Variants in MECOM observed in about 807,000 individuals in gnomAD.
The protein encoded by MECOM is histone-lysine N-methyltransferase MECOM.
Under a neutral mutation model 116.3 loss-of-function variants are expected in MECOM, and 13 were observed. That is an observed-to-expected ratio of 0.11 (90% CI 0.07 to 0.18). The LOEUF (loss-of-function observed/expected upper bound fraction) is 0.18. Among genes scored for constraint, MECOM ranks in the 10% least tolerant of loss-of-function variants. The pLI is 1.00. For missense variants in MECOM, 1,299 were observed against 1,509.0 expected (o/e 0.86, Z 2.31); for synonymous variants, 528 against 535.2 (o/e 0.99, Z 0.19).
chr3:169,555,166 T>C (rs1314768583), intron 1 of MECOM, among the ~76,000 whole-genome samples: 1 of 152,202 alleles, frequency 6.6e-6, no homozygotes, highest in Non-Finnish European at 1.5e-5. Flanking sequence ...AGTGATGAAA[T>C]ACAAGCAGCA....
At chr3:169,641,973 G>T (rs11720467) in intron 1 of MECOM, among the ~76,000 whole-genome samples, 54,896 of 152,060 alleles carry the variant, frequency 0.36, 10,251 homozygotes, top group East Asian at 0.45. Context: ...CTCTTTTAAT[G>T]ATACATTTAC....
intron 7 of MECOM, among the ~76,000 whole-genome samples, chr3:169,120,153 G>A (rs369523120): frequency 5.3e-5 from 8 of 152,242 alleles, no homozygotes; most frequent in African/African-American, 7.2e-5. Flanking sequence ...CAGTCTTGAC[G>A]TTTGTAGCAC....
intron 2 of MECOM, among the ~76,000 whole-genome samples, chr3:169,233,017 G>A (rs79758749): frequency 0.038 from 5,715 of 152,184 alleles, 133 homozygotes; most frequent in African/African-American, 0.054. Context: ...CGTAGACCGA[G>A]CTTGGAGTAA....
intron 2 of MECOM, among the ~76,000 whole-genome samples, chr3:169,234,185 C>G (rs2149529161): frequency 6.6e-6 from 1 of 151,532 alleles, no homozygotes; most frequent in African/African-American, 2.4e-5. Flanking sequence ...AGAAACAGAC[C>G]TGAAAAGGCT....
chr3:169,281,709 G>C (rs918609658), intron 2 of MECOM, among the ~76,000 whole-genome samples: 6 of 152,092 alleles, frequency 3.9e-5, no homozygotes, highest in African/African-American at 7.2e-5. Flanking sequence ...CTACTTGGGA[G>C]GCTGAGATTA....
At chr3:169,422,329 C>T (rs1739908320) in intron 1 of MECOM, among the ~76,000 whole-genome samples, 3 of 152,018 alleles carry the variant, frequency 2.0e-5, no homozygotes, top group African/African-American at 7.2e-5. Context: ...ATTCACATTC[C>T]TTAATGGTGC....
chr3:169,101,595 C>A (rs536907387), intron 11 of MECOM, among the ~76,000 whole-genome samples: 1 of 151,852 alleles, frequency 6.6e-6, no homozygotes, highest in Non-Finnish European at 1.5e-5. Flanking sequence ...CACACAAAAC[C>A]AGAAACATAA....
intron 1 of MECOM, among the ~76,000 whole-genome samples, chr3:169,574,885 C>T (rs2109477352): frequency 6.6e-6 from 1 of 151,934 alleles, no homozygotes. Context: ...AAACTTGTCA[C>T]ATTCATCAAG....
At chr3:169,314,748 G>A (rs1432978258) in intron 2 of MECOM, among the ~76,000 whole-genome samples, 1 of 152,116 alleles carries the variant, frequency 6.6e-6, no homozygotes, top group African/African-American at 2.4e-5. Context: ...GAAACTGATA[G>A]AGAGGAAAAG....
intron 1 of MECOM, among the ~76,000 whole-genome samples, chr3:169,399,127 C>T (rs1304447182): frequency 1.3e-5 from 2 of 152,112 alleles, no homozygotes; most frequent in Non-Finnish European, 2.9e-5. Context: ...TTTTGATTTC[C>T]AGTGACTTTA....
At chr3:169,490,368 A>G (rs1752935765) in intron 1 of MECOM, among the ~76,000 whole-genome samples, 1 of 152,190 alleles carries the variant, frequency 6.6e-6, no homozygotes, top group African/African-American at 2.4e-5. Context: ...ATTCTCACAC[A>G]GGTGCACAAA....
At chr3:169,288,962 T>A (rs1252192522) in intron 2 of MECOM, among the ~76,000 whole-genome samples, 1 of 152,208 alleles carries the variant, frequency 6.6e-6, no homozygotes, top group African/African-American at 2.4e-5. Flanking sequence ...GAACTTTTTT[T>A]ATGAAAGACA....
chr3:169,088,990 A>G lies in MECOM; in HGVS notation c.3585+10T>C, dbSNP rs1231602766. On this transcript the variant is annotated intron_variant, in intron 16 of 16. Transcript: ENST00000651503. The stretch of plus-strand genomic sequence containing the variant: ...GTAACCATGATGCTGTACTATGGGA[A>G]AATCTGTACCTGCGATTTGGACTTT... The G allele has an allele frequency of 1.3e-6, 2 of 1,572,316 alleles. No homozygotes were observed.
chr3:169,103,038 T>A (rs1013961239), intron 10 of MECOM, among the ~76,000 whole-genome samples: 13 of 151,062 alleles, frequency 8.6e-5, no homozygotes, highest in African/African-American at 2.9e-4. Flanking sequence ...TTTTTGTTGT[T>A]TATAATCTTC....
chr3:169,450,124 G>A (rs1158082931), intron 1 of MECOM, among the ~76,000 whole-genome samples: 3 of 152,064 alleles, frequency 2.0e-5, no homozygotes, highest in Non-Finnish European at 4.4e-5. Flanking sequence ...GGACTTTAAA[G>A]AAATTTTTTC....
At chr3:169,161,292 A>G (rs1206322725) in intron 2 of MECOM, among the ~76,000 whole-genome samples, 3 of 152,182 alleles carry the variant, frequency 2.0e-5, no homozygotes, top group Non-Finnish European at 4.4e-5. Flanking sequence ...CAACCCTAAT[A>G]TAAGTGCTGG....
intron 2 of MECOM, among the ~76,000 whole-genome samples, chr3:169,287,489 T>C (rs2149689182): frequency 1.3e-5 from 2 of 152,302 alleles, no homozygotes; most frequent in South Asian, 4.1e-4. Context: ...AATGGCTTGA[T>C]GTTATTAAAA....
chr3:169,094,979 C>CA, intron 13 of MECOM, 97 bp downstream of exon 13: 1 of 1,157,806 alleles, frequency 8.6e-7, no homozygotes, highest in Non-Finnish European at 1.1e-6. Flanking sequence ...ATTTTGGCGT[C>CA]AAAATGGAAT....
chr3:169,255,400 C>G (rs1756746059), intron 2 of MECOM, among the ~76,000 whole-genome samples: 1 of 151,806 alleles, frequency 6.6e-6, no homozygotes, highest in Admixed American at 6.6e-5. Context: ...TGTTAGCCTT[C>G]CTAGGCACTA....
Sources: allele counts gnomAD v4.1 joint callset (sites outside exome capture counted in the v4.1 genomes callset), GRCh38; gene constraint gnomAD v4.1.1; transcripts MANE v1.5; gene names NCBI Gene and HGNC (gene_info 2026-07-23, HGNC 2026-07-21).